CACNA2D2: variants seen among roughly 807,000 people sequenced by gnomAD.
The protein encoded by CACNA2D2 is calcium voltage-gated channel auxiliary subunit alpha2delta 2.
Under a neutral mutation model 166.4 loss-of-function variants are expected in CACNA2D2, and 48 were observed. The observed-to-expected ratio is 0.29, with a 90% CI of 0.23 to 0.37. CACNA2D2 has a LOEUF of 0.37. Ranked by LOEUF, CACNA2D2 falls within the 10% of genes least tolerant of loss-of-function variation. CACNA2D2 has a pLI of 1.00. For missense variants in CACNA2D2, 1,122 were observed against 1,433.0 expected, an observed-to-expected ratio of 0.78 and a Z score of 3.50; for synonymous variants, 561 against 573.7, an observed-to-expected ratio of 0.98 and a Z score of 0.32.
intron 3 of CACNA2D2, among the ~76,000 whole-genome samples, chr3:50,413,789 G>C (rs1237332940): frequency 6.6e-6 from 1 of 152,220 alleles, no homozygotes; most frequent in Admixed American, 6.5e-5. Flanking sequence ...AGAGGTTGCA[G>C]TGAGCCGAGA....
Position 50,379,214 on chromosome 3 carries a change from G to A in CACNA2D2, c.1153-15C>T, listed in dbSNP as rs753899388. 2 of 1,601,952 alleles carry A rather than the reference G, an allele frequency of 1.2e-6. No homozygotes were observed. The highest frequency in any genetic ancestry group is 1.7e-5 in the Admixed American group (1 of 59,980). On this transcript the variant is annotated splice_polypyrimidine_tract_variant and intron_variant, in intron 11 of 37. Coordinates refer to ENST00000424201, the MANE Select transcript of CACNA2D2 (RefSeq NM_006030.4). The surrounding 1 kb of genome is among the most constrained non-coding windows in gnomAD (Gnocchi z 6.5). The stretch of plus-strand genomic sequence containing the variant: ...GTGATGTTGGACTGAGGGGAGTGAG[G>A]CGGAGGCAGGCAGCTCTCAGCCCTC...
chr3:50,418,669 G>A (rs1405019176), intron 3 of CACNA2D2, among the ~76,000 whole-genome samples: 1 of 152,240 alleles, frequency 6.6e-6, no homozygotes, highest in East Asian at 1.9e-4. Context: ...GGCCATGGCC[G>A]CCTCTTCTCT....
chr3:50,440,992 G>A (rs887883993), intron 2 of CACNA2D2, among the ~76,000 whole-genome samples: 10 of 152,166 alleles, frequency 6.6e-5, no homozygotes, highest in South Asian at 2.1e-4. Flanking sequence ...CAGCAGTAGC[G>A]CCAGGTGCAA....
intron 2 of CACNA2D2, among the ~76,000 whole-genome samples, chr3:50,440,841 T>C (rs1708556239): frequency 6.6e-6 from 1 of 151,946 alleles, no homozygotes; most frequent in South Asian, 2.1e-4. Context: ...CAGGAGACAC[T>C]TGGGAGTGGG....
At chr3:50,475,022 G>A (rs547351264) in intron 2 of CACNA2D2, among the ~76,000 whole-genome samples, 16 of 152,144 alleles carry the variant, frequency 1.1e-4, no homozygotes, top group Non-Finnish European at 1.5e-4. Flanking sequence ...CCCTTCCCAC[G>A]GCGTTGCCAC....
rs1705485268 is a variant in CACNA2D2, at chr3:50,384,350, C to T, written c.511-13G>A. The T allele has an allele frequency of 2.5e-6, 4 of 1,612,292 alleles. No homozygotes were observed. The highest frequency in any genetic ancestry group is 2.2e-5 in the South Asian group (2 of 90,888). ...TCTCAGGGTCGTCCTGCAGAAAGGG[C>T]ACCCCCGAGCAATGTCAGGGCTGGA... On this transcript the variant is annotated splice_polypyrimidine_tract_variant and intron_variant, in intron 5 of 37. Transcript: ENST00000424201.
intron 1 of CACNA2D2, 114 bp from the exon 2 acceptor site, chr3:50,476,313 A>C: frequency 1.3e-6 from 1 of 748,828 alleles, no homozygotes; most frequent in Admixed American, 2.2e-5. Context: ...CCCAATTTTC[A>C]CTAGAGGAGG....
Position 50,388,823 on chromosome 3 carries a change from G to C in CACNA2D2, c.466-1211C>G, listed in dbSNP as rs778054393. Among the ~76,000 whole-genome samples the C allele has an allele frequency of 5.9e-4, 90 of 152,350 alleles. 2 individuals are homozygous for C. In the Middle Eastern group the frequency reaches 0.01, roughly 17 times the overall value. ...AGTCCTAGTCTGTCTCTCACCAGGGGTCTAGGGGCTGCAGGCCACTGGCCA... is the reference window on the plus strand; with the variant it reads ...AGTCCTAGTCTGTCTCTCACCAGGGCTCTAGGGGCTGCAGGCCACTGGCCA... On this transcript the variant is annotated intron_variant, in intron 4 of 37. Transcript: ENST00000424201.
chr3:50,389,164 G>GGGCGGA (rs1227260811), intron 4 of CACNA2D2, among the ~76,000 whole-genome samples: 2 of 152,204 alleles, frequency 1.3e-5, no homozygotes, highest in Non-Finnish European at 2.9e-5. Flanking sequence ...CCTGGGGCGG[G>GGGCGGA]GGCGGAGGCC....
intron 2 of CACNA2D2, among the ~76,000 whole-genome samples, chr3:50,471,482 T>A (rs988975582): frequency 6.6e-6 from 1 of 152,086 alleles, no homozygotes; most frequent in Admixed American, 6.5e-5. Context: ...CCTCTTAGGT[T>A]CTGAGGTTCC....
chr3:50,440,429 G>C (rs1342484339), intron 2 of CACNA2D2, among the ~76,000 whole-genome samples: 1 of 152,272 alleles, frequency 6.6e-6, no homozygotes, highest in Non-Finnish European at 1.5e-5. Context: ...CATCCCAGGC[G>C]GGGTGGCCCC....
At chr3:50,424,009 G>A (rs978542218) in intron 3 of CACNA2D2, among the ~76,000 whole-genome samples, 1 of 152,262 alleles carries the variant, frequency 6.6e-6, no homozygotes, top group African/African-American at 2.4e-5. Flanking sequence ...CCCTGGACTG[G>A]TGTCACCAAA....
chr3:50,380,735 C>T lies in CACNA2D2; in HGVS notation c.842+13G>A. 1 of 1,517,720 alleles carries T rather than the reference C, an allele frequency of 6.6e-7. No individual in the cohort carries two copies. The allele number at this position is 1,517,720 out of a possible 1,614,324, so 94.0% of individuals were successfully genotyped here. A position where few individuals can be genotyped will look rare whatever the true frequency, so the allele number is the denominator to read the frequency against. Reference sequence around the variant, plus strand: ...AGGGGGTGTCCCTCCCCAGCCCCTTCTTGCTCGCTCACCAGGGTCTCCTTC... The same window carrying T: ...AGGGGGTGTCCCTCCCCAGCCCCTTTTTGCTCGCTCACCAGGGTCTCCTTC... On this transcript the variant is annotated intron_variant, in intron 8 of 37. Transcript: ENST00000424201. The surrounding 1 kb of genome is among the most constrained non-coding windows in gnomAD (Gnocchi z 4.9).
chr3:50,435,134 G>GGTGTGTGT (rs58208345), intron 2 of CACNA2D2, among the ~76,000 whole-genome samples: 15 of 149,802 alleles, frequency 1.0e-4, no homozygotes, highest in African/African-American at 3.2e-4. Context: ...TAAATCTGAG[G>GGTGTGTGT]GTGTGTGTGT....
At chr3:50,462,045 G>A (rs964879955) in intron 2 of CACNA2D2, among the ~76,000 whole-genome samples, 2 of 152,296 alleles carry the variant, frequency 1.3e-5, no homozygotes, top group African/African-American at 4.8e-5. Context: ...AAGTGGCGGG[G>A]AGTTGGGGGC....
chr3:50,457,023 G>A (rs1225846777), intron 2 of CACNA2D2, among the ~76,000 whole-genome samples: 1 of 152,218 alleles, frequency 6.6e-6, no homozygotes, highest in Non-Finnish European at 1.5e-5. Context: ...GCTGAGGCAG[G>A]CAGATCACTT....
In CACNA2D2 at chr3:50,374,652, G is replaced by A. The variant is rs1704872737; in HGVS notation, c.1984+85C>T. On this transcript the variant is annotated intron_variant, in intron 22 of 37. Transcript: ENST00000424201. ...GCAGGAGGGACTGCCTCGCCGGCAA[G>A]CGGCGCTGGCTATGCTGCCTGGGGC... 2.0e-6 allele frequency: 3 copies of A among 1,474,796 alleles called. No homozygotes were observed. The African/African-American group carries it at 4.2e-5, about 21-fold the overall frequency. The allele number at this position is 1,474,796 out of a possible 1,614,324, so 91.4% of individuals were successfully genotyped here.
intron 2 of CACNA2D2, among the ~76,000 whole-genome samples, chr3:50,437,376 G>A (rs934238311): frequency 3.9e-5 from 6 of 152,162 alleles, no homozygotes; most frequent in African/African-American, 1.4e-4. Context: ...TCTAGGGCAA[G>A]GCCAGGGAAA....
At chr3:50,491,982 C>T (rs778523121) in intron 1 of CACNA2D2, among the ~76,000 whole-genome samples, 1 of 152,202 alleles carries the variant, frequency 6.6e-6, no homozygotes, top group Non-Finnish European at 1.5e-5. Context: ...AGGTTCCTGG[C>T]CACAGTGGAG....
Sources: gnomAD v4.1 joint callset for allele counts (sites outside exome capture counted in the v4.1 genomes callset) on GRCh38, gnomAD v4.1.1 for gene constraint, Gnocchi (gnomAD v3.1) non-coding constraint, MANE v1.5 for transcripts, NCBI Gene and HGNC (gene_info 2026-07-23, HGNC 2026-07-21) for gene names.